PCDHGB2: variants seen among roughly 807,000 people sequenced by gnomAD.
The protein encoded by PCDHGB2 is protocadherin gamma subfamily B, 2, also known as protocadherin gamma-B2.
A neutral mutation model predicts 59.3 loss-of-function variants in PCDHGB2; 55 were observed. The observed-to-expected ratio is 0.93, with a 90% CI of 0.75 to 1.16. The LOEUF is 1.16. Among genes scored for constraint, PCDHGB2 ranks in the 50% most tolerant of loss-of-function variants. The probability of loss-of-function intolerance (pLI) is 0.00; values close to 1 mark genes in which losing one functional copy is unlikely to be tolerated. For synonymous variants in PCDHGB2, 516 were observed against 512.0 expected, an observed-to-expected ratio of 1.01 and a Z score of -0.11; for missense variants, 1,228 against 1,198.5, an observed-to-expected ratio of 1.02 and a Z score of -0.36.
rs1762309054 is a variant in PCDHGB2, at chr5:141,362,063, T to C, written c.1928T>C (p.Leu643Pro). 6.2e-7 allele frequency: 1 copy of C among 1,612,272 alleles called. No individual in the cohort carries two copies. The highest frequency in any genetic ancestry group is 8.5e-7 in the Non-Finnish European group (1 of 1,179,754). Residue 643 changes from leucine (L) to proline (P), a missense_variant, in exon 1 of 4, where the codon CTG (leucine) becomes CCG (proline). Transcript: ENST00000522605. ...AGGGACGCGGCCCGCCAGCGCCTGC[T>C]GGTCGCTGTGCGTGATGGAGGACAG... ...GDRDAARQRLLVAVRDGGQPP... is the reference protein window; with the variant it reads ...GDRDAARQRLPVAVRDGGQPP...
chr5:141,439,390 C>T (rs528547728), intron 1 of PCDHGB2, among the ~76,000 whole-genome samples: 1 of 152,266 alleles, frequency 6.6e-6, no homozygotes, highest in South Asian at 2.1e-4. Flanking sequence ...GTCATCACTT[C>T]GACTTCATGT....
chr5:141,400,302 T>C (rs7701363), intron 1 of PCDHGB2: 17,655 of 1,614,082 alleles, frequency 0.011, 144 homozygotes, highest in Admixed American at 0.034. Flanking sequence ...GCTTCCAACC[T>C]GGTCTCTGTG....
chr5:141,485,341 G>C lies in PCDHGB2; in HGVS notation c.2422-9466G>C. 1.2e-6 allele frequency: 2 copies of C among 1,614,118 alleles called. No homozygotes were observed. Among genetic ancestry groups the C allele is most frequent in the Non-Finnish European group, 8.5e-7 (1 of 1,180,022 alleles). ...TCGCTCAAGATTTCCTGCTGGATAC[G>C]GACAGTCTGTCAGCTCGCAGGCTGC... On this transcript the variant is annotated intron_variant, in intron 1 of 3. Coordinates refer to ENST00000522605, the MANE Select transcript of PCDHGB2 (RefSeq NM_018923.3). The surrounding 1 kb of genome is among the most constrained non-coding windows in gnomAD (Gnocchi z 5.7).
intron 3 of PCDHGB2, among the ~76,000 whole-genome samples, chr5:141,510,741 C>A (rs11953770): frequency 1.3e-5 from 2 of 152,138 alleles, no homozygotes; most frequent in Non-Finnish European, 1.5e-5. Context: ...GGAATCAAAC[C>A]TAGACTTTCT....
At chr5:141,368,255 T>C (rs1354188654) in intron 1 of PCDHGB2, among the ~76,000 whole-genome samples, 1 of 152,202 alleles carries the variant, frequency 6.6e-6, no homozygotes, top group Non-Finnish European at 1.5e-5. Context: ...GAAAGGTTAA[T>C]TGACACATTA....
Position 141,383,135 on chromosome 5 carries a change from A to T in PCDHGB2, c.2421+20579A>T. On this transcript the variant is annotated intron_variant, in intron 1 of 3. Coordinates refer to ENST00000522605, the MANE Select transcript of PCDHGB2 (RefSeq NM_018923.3). ...AGGACGCAGCTTTTCGCCCTGAACC[A>T]GCGCAGCGGCAGCTTGGTCACTGCG... The T allele has an allele frequency of 1.2e-5, 20 of 1,614,114 alleles. No homozygotes were observed. Among genetic ancestry groups the T allele is most frequent in the Non-Finnish European group, 1.7e-5 (20 of 1,179,996 alleles).
chr5:141,422,976 G>A lies in PCDHGB2; in HGVS notation c.2421+60420G>A, dbSNP rs558006468. On this transcript the variant is annotated intron_variant, in intron 1 of 3. Transcript: ENST00000522605. The stretch of plus-strand genomic sequence containing the variant: ...GCGTGGAGCTGGCGCCCCGCTCTGC[G>A]GAACCTGGCTACCTGGTGACCAAGG... 27 of 1,614,212 alleles carry A rather than the reference G, an allele frequency of 1.7e-5. No homozygotes were observed. In the East Asian group the frequency reaches 4.7e-4, roughly 28 times the overall value.
intron 1 of PCDHGB2, among the ~76,000 whole-genome samples, chr5:141,473,057 A>G (rs2099313037): frequency 2.6e-5 from 4 of 152,056 alleles, no homozygotes; most frequent in Non-Finnish European, 5.9e-5. Flanking sequence ...AAGTGATACA[A>G]CAAGTTACAG....
chr5:141,500,182 A>ATTTT lies in PCDHGB2; in HGVS notation c.2481-5209_2481-5206dup, dbSNP rs1199992745. Among the ~76,000 whole-genome samples the ATTTT allele has an allele frequency of 1.7e-3, 223 of 131,716 alleles. 2 individuals are homozygous for ATTTT. Among genetic ancestry groups the ATTTT allele is most frequent in the African/African-American group, 6.2e-3 (201 of 32,350 alleles). The allele number at this position is 131,716 out of a possible 152,430, so 86.4% of individuals were successfully genotyped here. On this transcript the variant is annotated intron_variant, in intron 2 of 3. Transcript: ENST00000522605. ...AAGAACATGCATGAGCTTCATTTTT[A>ATTTT]TTTTTATTTATTTATTTATTTATTT...
intron 1 of PCDHGB2, chr5:141,372,307 C>A: frequency 6.2e-7 from 1 of 1,613,452 alleles, no homozygotes; most frequent in Non-Finnish European, 8.5e-7. Flanking sequence ...AGGGAGGCCG[C>A]CCGCCAGCGC....
At chr5:141,367,035 T>G (rs977436173) in intron 1 of PCDHGB2, 1 of 366,848 alleles carries the variant, frequency 2.7e-6, no homozygotes, top group Non-Finnish European at 4.9e-6. Flanking sequence ...GGAACTGCAG[T>G]TCTATTAATA....
intron 1 of PCDHGB2, among the ~76,000 whole-genome samples, chr5:141,380,385 A>G (rs543895642): frequency 3.0e-4 from 46 of 152,380 alleles, no homozygotes; most frequent in Non-Finnish European, 8.8e-5. Context: ...AAAAAAGAAA[A>G]GAGAGAAGAT....
intron 1 of PCDHGB2, chr5:141,478,841 A>G (rs1335486924): frequency 1.4e-5 from 19 of 1,405,590 alleles, no homozygotes; most frequent in Non-Finnish European, 1.8e-5. Flanking sequence ...GGGATGGTTA[A>G]GCTAAAACAC....
intron 3 of PCDHGB2, chr5:141,508,179 AG>A (rs1250335236): frequency 1.3e-5 from 2 of 152,326 alleles, no homozygotes; most frequent in Non-Finnish European, 2.9e-5. Flanking sequence ...ACAGGAGAGA[AG>A]GCATCACCCC....
rs759191157 is a variant in PCDHGB2, at chr5:141,485,768, C to T, written c.2422-9039C>T. Reference sequence around the variant, plus strand: ...GGTCCCAGAGCTGCTCCTGGAGAAGCCTTTGGATCGAGAGAAGCAATCGGA... The same window carrying T: ...GGTCCCAGAGCTGCTCCTGGAGAAGTCTTTGGATCGAGAGAAGCAATCGGA... On this transcript the variant is annotated intron_variant, in intron 1 of 3. Transcript: ENST00000522605. This position sits in a 1 kb window ranked among gnomAD's most constrained non-coding sequence, Gnocchi z 5.7. The T allele has an allele frequency of 5.6e-6, 9 of 1,614,074 alleles. No individual in the cohort carries two copies. The highest frequency in any genetic ancestry group is 1.7e-5 in the Admixed American group (1 of 60,000).
chr5:141,438,807 G>A (rs956766683), intron 1 of PCDHGB2, among the ~76,000 whole-genome samples: 13 of 149,270 alleles, frequency 8.7e-5, no homozygotes, highest in African/African-American at 1.7e-4. Context: ...GATTACAGGC[G>A]CCTGTCACCA....
intron 1 of PCDHGB2, among the ~76,000 whole-genome samples, chr5:141,435,921 C>T (rs767290430): frequency 1.3e-5 from 2 of 152,186 alleles, no homozygotes; most frequent in Admixed American, 6.5e-5. Context: ...CTCTAAAATG[C>T]GGCAGTTGCT....
chr5:141,386,534 T>A (rs1561611722), intron 1 of PCDHGB2, among the ~76,000 whole-genome samples: 1 of 151,950 alleles, frequency 6.6e-6, no homozygotes, highest in African/African-American at 2.4e-5. Context: ...CTTTTTAGAC[T>A]AGTGTTGTAT....
intron 1 of PCDHGB2, chr5:141,478,583 C>G: frequency 6.3e-7 from 1 of 1,578,146 alleles, no homozygotes; most frequent in Non-Finnish European, 8.6e-7. Context: ...CCTGTTAGTG[C>G]TTTTTTATTC....
Sources: gnomAD v4.1 joint callset for allele counts (sites outside exome capture counted in the v4.1 genomes callset) on GRCh38, gnomAD v4.1.1 for gene constraint, Gnocchi (gnomAD v3.1) non-coding constraint, MANE v1.5 for transcripts, NCBI Gene and HGNC (gene_info 2026-07-23, HGNC 2026-07-21) for gene names.